SUGCT: variants seen among roughly 807,000 people sequenced by gnomAD.
SUGCT encodes the protein succinyl-CoA:glutarate-CoA transferase.
In SUGCT, 41 loss-of-function variants were observed where a neutral mutation model predicts 55.0. The ratio of observed to expected loss-of-function variants is 0.74; its 90% confidence interval spans 0.58 to 0.97. The LOEUF (loss-of-function observed/expected upper bound fraction) is 0.97. Among genes scored for constraint, SUGCT ranks in the 50% least tolerant of loss-of-function variants. The probability of loss-of-function intolerance (pLI) is 0.00; values close to 1 mark genes in which losing one functional copy is unlikely to be tolerated. For synonymous variants in SUGCT, 187 were observed against 200.4 expected (o/e 0.93, Z 0.56); for missense variants, 568 against 547.8 (o/e 1.04, Z -0.37).
intron 9 of SUGCT, among the ~76,000 whole-genome samples, chr7:40,366,408 A>G (rs1783969158): frequency 6.6e-6 from 1 of 152,174 alleles, no homozygotes; most frequent in Admixed American, 6.5e-5. Context: ...GCCAAAATTG[A>G]CAAATGGGAT....
Position 40,196,198 on chromosome 7 carries a change from G to T in SUGCT, c.484+1138G>T, listed in dbSNP as rs1010659017. On this transcript the variant is annotated intron_variant, in intron 6 of 13. Coordinates refer to ENST00000335693, the MANE Select transcript of SUGCT (RefSeq NM_001193313.2). ...TGTATGTTTAGGCTAAAGGGAAAAA[G>T]TCACGGTGTTACTTAGTTTTCTATA... 2.0e-5 allele frequency among the ~76,000 whole-genome samples: 3 copies of T among 152,330 alleles called. No homozygotes were observed. The South Asian group carries it at 6.2e-4, about 32-fold the overall frequency.
chr7:40,430,802 T>C (rs907475355), intron 9 of SUGCT, among the ~76,000 whole-genome samples: 9 of 152,170 alleles, frequency 5.9e-5, no homozygotes, highest in Non-Finnish European at 1.3e-4. Flanking sequence ...TTTTAGTTTA[T>C]TTTTTTCAGG....
chr7:40,699,864 A>G (rs984742767), intron 12 of SUGCT, among the ~76,000 whole-genome samples: 11 of 152,218 alleles, frequency 7.2e-5, no homozygotes, highest in Admixed American at 2.0e-4. Flanking sequence ...TCTCAAAAAA[A>G]TAAAATAAAG....
At chr7:40,789,631 A>G (rs1262311111) in intron 13 of SUGCT, among the ~76,000 whole-genome samples, 1 of 152,160 alleles carries the variant, frequency 6.6e-6, no homozygotes, top group Non-Finnish European at 1.5e-5. Flanking sequence ...CTTTTGGATA[A>G]ATACCCAGGA....
At chr7:40,712,770 G>T (rs935869007) in intron 12 of SUGCT, among the ~76,000 whole-genome samples, 2 of 152,216 alleles carry the variant, frequency 1.3e-5, no homozygotes, top group Non-Finnish European at 2.9e-5. Context: ...GCACATGCAG[G>T]CCTCACATCT....
At chr7:40,227,064 T>TA (rs1491401641) in intron 6 of SUGCT, among the ~76,000 whole-genome samples, 4 of 136,216 alleles carry the variant, frequency 2.9e-5, no homozygotes, top group Non-Finnish European at 6.5e-5. Flanking sequence ...TTTTTTTTTT[T>TA]GAGACAGAGT....
intron 9 of SUGCT, among the ~76,000 whole-genome samples, chr7:40,423,652 T>C (rs986248454): frequency 6.6e-6 from 1 of 152,122 alleles, no homozygotes; most frequent in African/African-American, 2.4e-5. Context: ...AATGGAAACA[T>C]TGACATAAAC....
At chr7:40,520,495 A>G (rs2151573345) in intron 12 of SUGCT, among the ~76,000 whole-genome samples, 1 of 152,244 alleles carries the variant, frequency 6.6e-6, no homozygotes, top group Admixed American at 6.5e-5. Context: ...GATATGAAAG[A>G]ACTCTGTTAA....
chr7:40,307,296 T>C (rs1345276950), intron 8 of SUGCT, among the ~76,000 whole-genome samples: 1 of 152,230 alleles, frequency 6.6e-6, no homozygotes, highest in Non-Finnish European at 1.5e-5. Context: ...TTATGTATTA[T>C]GTAATAATTA....
intron 13 of SUGCT, among the ~76,000 whole-genome samples, chr7:40,847,617 A>T (rs1339578713): frequency 6.6e-6 from 1 of 151,690 alleles, no homozygotes; most frequent in East Asian, 1.9e-4. Context: ...GTGTTTCACC[A>T]TGTTGGCCAG....
chr7:40,404,011 A>G (rs1486011815), intron 9 of SUGCT, among the ~76,000 whole-genome samples: 1 of 152,184 alleles, frequency 6.6e-6, no homozygotes, highest in Non-Finnish European at 1.5e-5. Flanking sequence ...CGCTGTAGCC[A>G]TATAGGAAAA....
the SUGCT span, among the ~76,000 whole-genome samples, chr7:40,945,503 G>T: frequency 6.6e-6 from 1 of 152,150 alleles, no homozygotes; most frequent in Non-Finnish European, 1.5e-5. Context: ...TCCTGCAGGA[G>T]AAGCCCCACT....
chr7:40,156,981 C>T (rs1289447143), intron 1 of SUGCT, among the ~76,000 whole-genome samples: 1 of 142,646 alleles, frequency 7.0e-6, no homozygotes, highest in Non-Finnish European at 1.5e-5. Flanking sequence ...CACCACTGTA[C>T]TTCAGCCTGG....
chr7:40,898,557 A>C, the SUGCT span, among the ~76,000 whole-genome samples: 42 of 146,454 alleles, frequency 2.9e-4, no homozygotes, highest in African/African-American at 1.0e-3. Context: ...CCCCAGATCT[A>C]CTAAAAATAC....
In SUGCT at chr7:40,496,375, G is replaced by T. The variant is rs772095844; in HGVS notation, c.1078G>T (p.Ala360Ser). 1.2e-6 allele frequency: 2 copies of T among 1,611,120 alleles called. No homozygotes were observed. The highest frequency in any genetic ancestry group is 1.7e-6 in the Non-Finnish European group (2 of 1,178,110). ...GPINNMKNVFAEPQVLHNGLV... is the reference protein window; with the variant it reads ...GPINNMKNVFSEPQVLHNGLV... Reference sequence around the variant, plus strand: ...AATCAACAACATGAAGAATGTATTTGCAGAACCTCAGGTTTGTTTTTGAAG... The same window carrying T: ...AATCAACAACATGAAGAATGTATTTTCAGAACCTCAGGTTTGTTTTTGAAG... Residue 360 changes from alanine (A) to serine (S), a missense_variant, in exon 12 of 14, where the codon GCA becomes TCA. Physicochemically the swap from Ala to Ser is moderately conservative, Grantham distance 99. Coordinates refer to ENST00000335693, the MANE Select transcript of SUGCT (RefSeq NM_001193313.2).
chr7:40,915,483 G>C, the SUGCT span, among the ~76,000 whole-genome samples: 8 of 152,298 alleles, frequency 5.3e-5, no homozygotes, highest in East Asian at 1.5e-3. Flanking sequence ...TCTAAGAAAT[G>C]TTGTCAACAA....
chr7:40,904,227 G>A, the SUGCT span, among the ~76,000 whole-genome samples: 8 of 152,120 alleles, frequency 5.3e-5, no homozygotes, highest in African/African-American at 1.7e-4. Flanking sequence ...GAAACATACC[G>A]AGTATATGGC....
At chr7:40,944,916 C>T in the SUGCT span, among the ~76,000 whole-genome samples, 1 of 152,052 alleles carries the variant, frequency 6.6e-6, no homozygotes, top group East Asian at 1.9e-4. Flanking sequence ...GAGGATGATG[C>T]CTAAAAACTG....
At position 40,570,850 on chromosome 7, in the gene SUGCT, C is replaced by CTTTTTTTTTT. The variant is rs776733346; in HGVS notation, c.1089+74482_1089+74491dup. Among the ~76,000 whole-genome samples, 5 of 52,304 alleles carry CTTTTTTTTTT rather than the reference C, an allele frequency of 9.6e-5. 1 individual carries two copies. The highest frequency in any genetic ancestry group is 5.0e-4 in the Admixed American group (2 of 3,996). The allele number at this position is 52,304 out of a possible 152,430, so 34.3% of individuals were successfully genotyped here. A position where few individuals can be genotyped will look rare whatever the true frequency, so the allele number is the denominator to read the frequency against. ...CCCCTCTGGGCAAAAGCTTTAGGCT[C>CTTTTTTTTTT]TTTTTTTTTTTTTTTTTTTTTTTTT... On this transcript the variant is annotated intron_variant, in intron 12 of 13. Coordinates refer to ENST00000335693, the MANE Select transcript of SUGCT (RefSeq NM_001193313.2).
Sources: allele counts gnomAD v4.1 joint callset (sites outside exome capture counted in the v4.1 genomes callset), GRCh38; gene constraint gnomAD v4.1.1; transcripts MANE v1.5; gene names NCBI Gene and HGNC (gene_info 2026-07-23, HGNC 2026-07-21).